KIF1A: variants seen among roughly 807,000 people sequenced by gnomAD.
KIF1A encodes the protein kinesin family member 1A.
KIF1A carries 46 observed loss-of-function variants against 227.3 expected under a neutral mutation model. That is an observed-to-expected ratio of 0.20 (90% CI 0.16 to 0.26). The LOEUF (loss-of-function observed/expected upper bound fraction) is 0.26, where lower values mean the gene tolerates loss of function less well. Among genes scored for constraint, KIF1A ranks in the 10% least tolerant of loss-of-function variants. The pLI is 1.00. For synonymous variants in KIF1A, 1,022 were observed against 1,012.8 expected, an observed-to-expected ratio of 1.01 and a Z score of -0.17; for missense variants, 1,683 against 2,485.9, an observed-to-expected ratio of 0.68 and a Z score of 6.87.
chr2:240,805,094 GAGGGAGAGGGGAGGGAGGGAGA>G (rs2057295037), intron 1 of KIF1A, among the ~76,000 whole-genome samples: 11 of 75,908 alleles, frequency 1.4e-4, no homozygotes, highest in African/African-American at 2.8e-4. Flanking sequence ...AGGGAGAGGG[GAGGGAGAGGGGAGGGAGGGAGA>G]GGGGAGGGAG....
intron 44 of KIF1A, 58 bp from the exon 45 acceptor site, chr2:240,721,096 G>A: frequency 3.1e-6 from 5 of 1,597,092 alleles, no homozygotes; most frequent in South Asian, 1.1e-5. Context: ...CGGCCTCTGT[G>A]GGAGCTGCTC....
intron 27 of KIF1A, among the ~76,000 whole-genome samples, chr2:240,756,987 C>CG (rs2049916455): frequency 6.6e-6 from 1 of 152,224 alleles, no homozygotes; most frequent in South Asian, 2.1e-4. Context: ...TGAGCCACTC[C>CG]GGGGTTCCTA....
At position 240,784,122 on chromosome 2, in the gene KIF1A, A is replaced by G. The variant is rs556036819; in HGVS notation, c.721-306T>C. ...GTACTCGCTCCCTATGGCATCCACG[A>G]GGTGCGACTGTCACTGTCCCCACTT... On this transcript the variant is annotated intron_variant, in intron 7 of 48. Transcript: ENST00000498729. 7.9e-5 allele frequency among the ~76,000 whole-genome samples: 12 copies of G among 152,252 alleles called. No individual in the cohort carries two copies. In the South Asian group the frequency reaches 2.5e-3, roughly 32 times the overall value.
rs1163919738 is a variant in KIF1A at position 240,778,971 on chromosome 2, C to T, written c.883-3045G>A. On this transcript the variant is annotated intron_variant, in intron 10 of 48. Coordinates refer to ENST00000498729, the MANE Select transcript of KIF1A (RefSeq NM_001244008.2). The surrounding 1 kb of genome is among the most constrained non-coding windows in gnomAD (Gnocchi z 7.2). Reference sequence around the variant, plus strand: ...CTACACACAGCGCTCCACACGGCTCCTCACGGGTCCCCAACAGCACCTCCA... The same window carrying T: ...CTACACACAGCGCTCCACACGGCTCTTCACGGGTCCCCAACAGCACCTCCA... Among the ~76,000 whole-genome samples the T allele has an allele frequency of 6.6e-6, 1 of 152,214 alleles. No homozygotes were observed. The highest frequency in any genetic ancestry group is 1.5e-5 in the Non-Finnish European group (1 of 68,044).
Position 240,757,514 on chromosome 2 carries a change from G to A in KIF1A, c.2663C>T (p.Pro888Leu). The A allele has an allele frequency of 6.4e-7, 1 of 1,550,560 alleles. No individual in the cohort carries two copies. The highest frequency in any genetic ancestry group is 2.4e-5 in the East Asian group (1 of 40,894). The change falls in exon 27 of 49, where the codon CCC becomes CTC. Residue 888 changes from proline (P) to leucine (L), a missense_variant. Physicochemically the swap from Pro to Leu is moderately conservative, Grantham distance 98. Transcript: ENST00000498729. The surrounding 1 kb of genome is among the most constrained non-coding windows in gnomAD (Gnocchi z 6.2). The part of the protein sequence containing the change: ...SERMAALTPS[P>L]TFSSPDSDAT... ...GTCGGAGTCGGGGCTCGAGAAGGTGGGGGAGGGGGTGAGAGCAGCCATGCG... is the reference window on the plus strand; with the variant it reads ...GTCGGAGTCGGGGCTCGAGAAGGTGAGGGAGGGGGTGAGAGCAGCCATGCG...
At chr2:240,744,114 G>C (rs993380185) in intron 32 of KIF1A, 54 bp from the exon 33 acceptor site, 11 of 1,201,802 alleles carry the variant, frequency 9.2e-6, no homozygotes, top group Admixed American at 3.4e-5. Context: ...CACATTCAAG[G>C]GGGAAGGAGA....
At chr2:240,779,104 CCTCA>C (rs2053186876) in intron 10 of KIF1A, among the ~76,000 whole-genome samples, 1 of 147,774 alleles carries the variant, frequency 6.8e-6, no homozygotes, top group South Asian at 2.1e-4. Flanking sequence ...TCACTCACTT[CCTCA>C]CTCAGTTCCT....
intron 1 of KIF1A, among the ~76,000 whole-genome samples, chr2:240,819,187 G>T (rs2058543231): frequency 6.6e-6 from 1 of 152,166 alleles, no homozygotes; most frequent in South Asian, 2.1e-4. Flanking sequence ...AGGGCAGCGC[G>T]GCTGGTTTGG....
rs559288163 is a variant in KIF1A, at chr2:240,770,977, T to C, written c.1335A>G (p.Arg445=). ...FAPGSEEAIE[R]LKETEKIIAE... is the part of the protein sequence containing the mutation. ...CCCCAGGTGGTGCCCTCACCTTCAG[T>C]CTTTCAATGGCCTCCTCGCTGCCCG... Residue 445 remains arginine, a synonymous_variant, in exon 15 of 49, where the codon AGA becomes AGG. Coordinates refer to ENST00000498729, the MANE Select transcript of KIF1A (RefSeq NM_001244008.2). 3.1e-6 allele frequency: 5 copies of C among 1,610,822 alleles called. No homozygotes were observed. Among genetic ancestry groups the C allele is most frequent in the Admixed American group, 3.3e-5 (2 of 60,000 alleles).
At chr2:240,756,168 G>T (rs1235385588) in intron 27 of KIF1A, among the ~76,000 whole-genome samples, 1 of 152,172 alleles carries the variant, frequency 6.6e-6, no homozygotes, top group Non-Finnish European at 1.5e-5. Context: ...CCTGCGATCT[G>T]GGGCCACCCT....
chr2:240,723,916 A>G, intron 41 of KIF1A, 59 bp downstream of exon 41: 1 of 1,408,510 alleles, frequency 7.1e-7, no homozygotes, highest in Admixed American at 1.7e-5. Context: ...GGTCACCCCA[A>G]GTGGGCAGAG....
At chr2:240,816,153 T>TGTGTGTGTGTGTGTGTCTATCTGC (rs2058299575) in intron 1 of KIF1A, among the ~76,000 whole-genome samples, 1 of 150,918 alleles carries the variant, frequency 6.6e-6, no homozygotes, top group African/African-American at 2.4e-5. Flanking sequence ...ATGCAGAGTG[T>TGTGTGTGTGTGTGTGTCTATCTGC]GTGTGTGTGT....
At chr2:240,724,641 T>C (rs2045777423) in intron 40 of KIF1A, 1 of 159,444 alleles carries the variant, frequency 6.3e-6, no homozygotes, top group African/African-American at 2.4e-5. Context: ...GGGTGCCCGG[T>C]AGCCTCGGCA....
At position 240,771,119 on chromosome 2, in the gene KIF1A, T is replaced by C; in HGVS notation, c.1208-15A>G. ...GGCATTGGTCACTGTGGAGAGAGGG[T>C]CAGGGGCTTCATTCACCGTCCCGCC... On this transcript the variant is annotated splice_polypyrimidine_tract_variant and intron_variant, in intron 14 of 48. Coordinates refer to ENST00000498729, the MANE Select transcript of KIF1A (RefSeq NM_001244008.2). The C allele has an allele frequency of 6.2e-7, 1 of 1,612,708 alleles. No individual in the cohort carries two copies. Among genetic ancestry groups the C allele is most frequent in the Non-Finnish European group, 8.5e-7 (1 of 1,179,510 alleles).
At chr2:240,782,763 C>A (rs1340162309) in intron 9 of KIF1A, among the ~76,000 whole-genome samples, 156 bp from the exon 10 acceptor site, 1 of 152,144 alleles carries the variant, frequency 6.6e-6, no homozygotes, top group Non-Finnish European at 1.5e-5. Context: ...CAGGCAGGGT[C>A]CCTCCAGGGC....
In KIF1A at chr2:240,762,015, G is replaced by C. The variant is rs534310177; in HGVS notation, c.2117-638C>G. ...ACAAGGAGGGACTTGTCCTTGTGCT[G>C]AGACCCCACCCCTCCTCCCAACACA... is the stretch of plus-strand genomic sequence containing the variant. On this transcript the variant is annotated intron_variant, in intron 23 of 48. Coordinates refer to ENST00000498729, the MANE Select transcript of KIF1A (RefSeq NM_001244008.2). 6.6e-5 allele frequency among the ~76,000 whole-genome samples: 10 copies of C among 152,290 alleles called. No homozygotes were observed. In the East Asian group the frequency reaches 1.2e-3, roughly 18 times the overall value.
chr2:240,763,981 C>T (rs963066294), intron 20 of KIF1A, among the ~76,000 whole-genome samples: 7 of 152,146 alleles, frequency 4.6e-5, no homozygotes, highest in African/African-American at 1.7e-4. Context: ...CCCGGCTGGA[C>T]CCCCCTCAGG....
rs4510226 is a variant in KIF1A at position 240,806,602 on chromosome 2, C to T, written c.-60-8790G>A. ...CAAACTGGTCTTCAAGTAAGTTAAG[C>T]GCCTGCCAAGACAAAGCCCAACATG... is the stretch of plus-strand genomic sequence containing the variant. On this transcript the variant is annotated intron_variant, in intron 1 of 48. Transcript: ENST00000498729. Among the ~76,000 whole-genome samples, 1,135 of 152,208 alleles carry T rather than the reference C, an allele frequency of 7.5e-3. 8 individuals carry two copies. Among genetic ancestry groups the T allele is most frequent in the African/African-American group, 0.025 (1,042 of 41,530 alleles).
chr2:240,774,075 C>T, intron 12 of KIF1A, 108 bp downstream of exon 12: 1 of 672,382 alleles, frequency 1.5e-6, no homozygotes, highest in South Asian at 2.0e-5. Flanking sequence ...GTATACCCCT[C>T]ACAAAGAGTC....
Sources: gnomAD v4.1 joint callset for allele counts (sites outside exome capture counted in the v4.1 genomes callset) on GRCh38, gnomAD v4.1.1 for gene constraint, Gnocchi (gnomAD v3.1) non-coding constraint, MANE v1.5 for transcripts, NCBI Gene and HGNC (gene_info 2026-07-23, HGNC 2026-07-21) for gene names.